Variants in ANK1 observed in about 807,000 individuals in gnomAD.
ANK1 encodes the protein ankyrin 1.
Under a neutral mutation model 210.4 loss-of-function variants are expected in ANK1, and 51 were observed. The observed-to-expected ratio is 0.24, with a 90% CI of 0.19 to 0.31. The LOEUF is 0.31. Among genes scored for constraint, ANK1 ranks in the 10% least tolerant of loss-of-function variants. ANK1 has a pLI of 1.00. For synonymous variants in ANK1, 967 were observed against 1,025.9 expected (o/e 0.94, Z 1.10); for missense variants, 2,051 against 2,504.4 (o/e 0.82, Z 3.86).
intron 1 of ANK1, among the ~76,000 whole-genome samples, chr8:41,823,325 G>T (rs952479557): frequency 1.8e-4 from 27 of 152,150 alleles, no homozygotes; most frequent in Non-Finnish European, 3.4e-4. Flanking sequence ...CGCCCAACTT[G>T]GAGAAGAAAC....
chr8:41,798,193 G>C (rs947333158), upstream of ANK1, among the ~76,000 whole-genome samples: 9 of 151,542 alleles, frequency 5.9e-5, no homozygotes, highest in African/African-American at 2.0e-4. Context: ...CCTTCTGGCC[G>C]GCCCCTCCGC....
At chr8:41,748,526 T>G (rs375823396) in intron 2 of ANK1, among the ~76,000 whole-genome samples, 1 of 152,142 alleles carries the variant, frequency 6.6e-6, no homozygotes, top group African/African-American at 2.4e-5. Context: ...CCCAGTGCCC[T>G]TTGGCACTCC....
chr8:41,769,358 C>T (rs550931343), intron 1 of ANK1, among the ~76,000 whole-genome samples: 1 of 152,314 alleles, frequency 6.6e-6, no homozygotes, highest in Non-Finnish European at 1.5e-5. Flanking sequence ...CGCCTTGTAC[C>T]TCTGAAAACC....
intron 1 of ANK1, among the ~76,000 whole-genome samples, chr8:41,880,183 A>G (rs948067454): frequency 6.6e-6 from 1 of 152,244 alleles, no homozygotes; most frequent in Non-Finnish European, 1.5e-5. Flanking sequence ...TTCAGTGTCC[A>G]TAAATAAAGT....
At chr8:41,799,716 A>G (rs960782227), upstream of ANK1, among the ~76,000 whole-genome samples, 2 of 152,034 alleles carry the variant, frequency 1.3e-5, no homozygotes, top group Non-Finnish European at 2.9e-5. Context: ...GTCATTTCAG[A>G]ATTTAACCCC....
chr8:41,859,069 A>G (rs1420896129), intron 1 of ANK1, among the ~76,000 whole-genome samples: 1 of 152,214 alleles, frequency 6.6e-6, no homozygotes, highest in African/African-American at 2.4e-5. Flanking sequence ...CAGGAACAGG[A>G]CGCTGAAAGG....
chr8:41,766,182 G>C (rs1232030259), intron 1 of ANK1, among the ~76,000 whole-genome samples: 1 of 152,158 alleles, frequency 6.6e-6, no homozygotes. Context: ...TTTCCTGGGG[G>C]ACCTGCAGCC....
intron 1 of ANK1, among the ~76,000 whole-genome samples, chr8:41,790,477 C>T (rs907555413): frequency 3.9e-5 from 6 of 152,062 alleles, no homozygotes; most frequent in African/African-American, 1.4e-4. Flanking sequence ...AGTCACTATC[C>T]TAAGTCAGGG....
chr8:41,697,711 T>C, intron 24 of ANK1: 1 of 407,932 alleles, frequency 2.5e-6, no homozygotes, highest in South Asian at 2.1e-5. Context: ...AAACATCTGC[T>C]GGCTGGAGTT....
At chr8:41,697,980 A>G in intron 24 of ANK1, 63 bp downstream of exon 24, 6 of 1,530,984 alleles carry the variant, frequency 3.9e-6, no homozygotes, top group Non-Finnish European at 5.4e-6. Flanking sequence ...ACCCCTCAAC[A>G]ATCACTGTCC....
chr8:41,673,721 T>C (rs541892), intron 37 of ANK1, among the ~76,000 whole-genome samples: 84,030 of 152,034 alleles, frequency 0.55, 23,502 homozygotes, highest in East Asian at 0.65. Flanking sequence ...GGAGCCAGCT[T>C]GCTCAGGCCC....
chr8:41,783,191 G>A (rs1845678268), intron 1 of ANK1, among the ~76,000 whole-genome samples: 3 of 152,234 alleles, frequency 2.0e-5, no homozygotes, highest in African/African-American at 4.8e-5. Flanking sequence ...TGTCTAACTG[G>A]TAATCCAGTC....
At chr8:41,739,793 G>C (rs893121905) in intron 2 of ANK1, among the ~76,000 whole-genome samples, 3 of 151,964 alleles carry the variant, frequency 2.0e-5, no homozygotes, top group Admixed American at 1.3e-4. Context: ...TTGGAGCTGG[G>C]GTGCCAGGGG....
At chr8:41,801,527 TA>T (rs1470243752), upstream of ANK1, among the ~76,000 whole-genome samples, 3 of 152,238 alleles carry the variant, frequency 2.0e-5, no homozygotes, top group Non-Finnish European at 4.4e-5. Context: ...CAACATTTGG[TA>T]TTGTCAGACT....
At chr8:41,803,771 G>A (rs971765885) in intron 1 of ANK1, among the ~76,000 whole-genome samples, 4 of 152,006 alleles carry the variant, frequency 2.6e-5, no homozygotes, top group African/African-American at 9.7e-5. Context: ...ATGAATGAAT[G>A]TTGAAATCCA....
At chr8:41,749,034 CA>C (rs55642051) in intron 2 of ANK1, among the ~76,000 whole-genome samples, 91 of 143,062 alleles carry the variant, frequency 6.4e-4, no homozygotes, top group East Asian at 1.9e-3. Flanking sequence ...GACTCCATCT[CA>C]AAAAAAAAAA....
intron 13 of ANK1, 111 bp downstream of exon 13, chr8:41,716,842 T>C: frequency 9.0e-7 from 1 of 1,106,162 alleles, no homozygotes; most frequent in African/African-American, 1.5e-5. Flanking sequence ...GGATGAAAAG[T>C]GATCCCCAGG....
At position 41,739,617 on chromosome 8, in the gene ANK1, G is replaced by A. The variant is rs183642506; in HGVS notation, c.130-5548C>T. Among the ~76,000 whole-genome samples the A allele has an allele frequency of 3.6e-4, 54 of 150,834 alleles. 1 individual carries two copies. The highest frequency in any genetic ancestry group is 1.2e-3 in the African/African-American group (51 of 41,064). Reference sequence around the variant, plus strand: ...AGAGACTGAGGTAAATAGTATTTACGGCTGGAAATCAACATGCCTCTTCTT... The same window carrying A: ...AGAGACTGAGGTAAATAGTATTTACAGCTGGAAATCAACATGCCTCTTCTT... On this transcript the variant is annotated intron_variant, in intron 2 of 42. Coordinates refer to ENST00000289734, the MANE Select transcript of ANK1 (RefSeq NM_000037.4).
chr8:41,707,879 C>T (rs1318191188), intron 17 of ANK1, among the ~76,000 whole-genome samples: 1 of 152,160 alleles, frequency 6.6e-6, no homozygotes, highest in African/African-American at 2.4e-5. Flanking sequence ...AAAATGCTTG[C>T]CTTTCTGAAT....
Sources: allele counts gnomAD v4.1 joint callset (sites outside exome capture counted in the v4.1 genomes callset), GRCh38; gene constraint gnomAD v4.1.1; transcripts MANE v1.5; gene names NCBI Gene and HGNC (gene_info 2026-07-23, HGNC 2026-07-21).